Variants in GOLGA4 observed in about 807,000 individuals in gnomAD.
The protein encoded by GOLGA4 is golgin subfamily A member 4.
Under a neutral mutation model 265.9 loss-of-function variants are expected in GOLGA4, and 169 were observed. The ratio of observed to expected loss-of-function variants is 0.64; its 90% CI spans 0.56 to 0.72. The LOEUF (loss-of-function observed/expected upper bound fraction) is 0.72, where lower values mean the gene tolerates loss of function less well. Among genes scored for constraint, GOLGA4 ranks in the 30% least tolerant of loss-of-function variants. GOLGA4 has a pLI of 0.00. For synonymous variants in GOLGA4, 923 were observed against 855.8 expected (o/e 1.08, Z -1.37); for missense variants, 2,482 against 2,483.4 (o/e 1.00, Z 0.01).
chr3:37,271,637 T>A (rs1489292764), intron 2 of GOLGA4, among the ~76,000 whole-genome samples: 1 of 152,170 alleles, frequency 6.6e-6, no homozygotes, highest in African/African-American at 2.4e-5. Context: ...TGCCTACTTG[T>A]GCAGCTCCCC....
chr3:37,317,340 T>C (rs2096940697), intron 11 of GOLGA4, among the ~76,000 whole-genome samples: 1 of 152,088 alleles, frequency 6.6e-6, no homozygotes, highest in Admixed American at 6.5e-5. Context: ...TGGCTAGTTT[T>C]TGTATTTTTA....
Position 37,299,007 on chromosome 3 carries a change from T to C in GOLGA4, c.989T>C (p.Leu330Pro). 1 of 1,589,978 alleles carries C rather than the reference T, an allele frequency of 6.3e-7. No homozygotes were observed. The highest frequency in any genetic ancestry group is 8.5e-7 in the Non-Finnish European group (1 of 1,173,096). The change falls in exon 8 of 24, where the codon CTA becomes CCA. Residue 330 changes from leucine (L) to proline (P), a missense_variant. This residue lies in a region of GOLGA4 where 1,536 missense variants were observed against 1,483.7 expected (regional missense o/e 1.04). Transcript: ENST00000361924. The stretch of plus-strand genomic sequence containing the variant: ...CAACTGGATGAAAGACTTCAAGAAC[T>C]AGAAAAGATAAAGGTAAAAGAGCAG... ...QEQLDERLQE[L>P]EKIKDLHMAE...
intron 6 of GOLGA4, among the ~76,000 whole-genome samples, chr3:37,295,637 T>G (rs1416978717): frequency 4.6e-5 from 7 of 152,230 alleles, no homozygotes; most frequent in Non-Finnish European, 8.8e-5. Flanking sequence ...TTGATTATTT[T>G]CCCCCACTTT....
intron 2 of GOLGA4, among the ~76,000 whole-genome samples, chr3:37,257,890 T>TATAC (rs1174199870): frequency 2.3e-4 from 27 of 117,138 alleles, no homozygotes; most frequent in African/African-American, 6.1e-4. Flanking sequence ...TTTTCATATA[T>TATAC]ATACATATAT....
At chr3:37,251,930 A>G (rs1374781769) in intron 2 of GOLGA4, among the ~76,000 whole-genome samples, 1 of 152,130 alleles carries the variant, frequency 6.6e-6, no homozygotes, top group Non-Finnish European at 1.5e-5. Flanking sequence ...GATTCTCCCA[A>G]TTATGCTTTA....
At chr3:37,267,736 A>G (rs2096787488) in intron 2 of GOLGA4, among the ~76,000 whole-genome samples, 1 of 152,244 alleles carries the variant, frequency 6.6e-6, no homozygotes. Flanking sequence ...CAATGGAGAA[A>G]TGTGGCAAAC....
Position 37,286,177 on chromosome 3 carries a change from C to T in GOLGA4, c.525+116C>T, listed in dbSNP as rs1431232847. 2.3e-5 allele frequency: 11 copies of T among 488,788 alleles called. No individual in the cohort carries two copies. In the Admixed American group the frequency reaches 2.9e-4, roughly 13 times the overall value. 30.3% of individuals were successfully genotyped at this position (488,788 alleles called of 1,614,324 possible). A position where few individuals can be genotyped will look rare whatever the true frequency, so the allele number is the denominator to read the frequency against. On this transcript the variant is annotated intron_variant, in intron 4 of 23. Coordinates refer to ENST00000361924, the MANE Select transcript of GOLGA4 (RefSeq NM_002078.5). ...TTTTTTTTTTTTTGAGACGGAGTCT[C>T]GCTCTGTCGCCCAGGCTGGACTGCG... is the stretch of plus-strand genomic sequence containing the variant.
chr3:37,340,033 T>G, intron 19 of GOLGA4, 91 bp from the exon 20 acceptor site: 1 of 608,248 alleles, frequency 1.6e-6, no homozygotes, highest in Non-Finnish European at 3.0e-6. Flanking sequence ...GTCTTCAGCA[T>G]TAAAAAACCT....
chr3:37,257,274 GA>G (rs2096751476), intron 2 of GOLGA4, among the ~76,000 whole-genome samples: 1 of 151,970 alleles, frequency 6.6e-6, no homozygotes. Context: ...TGAGTCTAAT[GA>G]TTTTTTTTAA....
At position 37,326,143 on chromosome 3, in the gene GOLGA4, T is replaced by C; in HGVS notation, c.4257T>C (p.Phe1419=). ...TGGATCAGGTGCAAGATTTATCTTT[T>C]AAAGTTGACACTCTGAGTAAAGAGA... ...ELLDQVQDLS[F]KVDTLSKEKI... Residue 1419 remains phenylalanine, a synonymous_variant, in exon 14 of 24, where the codon TTT becomes TTC. Coordinates refer to ENST00000361924, the MANE Select transcript of GOLGA4 (RefSeq NM_002078.5). The C allele has an allele frequency of 6.2e-6, 10 of 1,613,670 alleles. No individual in the cohort carries two copies. Among genetic ancestry groups the C allele is most frequent in the Non-Finnish European group, 8.5e-6 (10 of 1,179,700 alleles).
At chr3:37,307,235 G>A (rs1023841354) in intron 10 of GOLGA4, among the ~76,000 whole-genome samples, 4 of 152,092 alleles carry the variant, frequency 2.6e-5, no homozygotes, top group African/African-American at 9.7e-5. Flanking sequence ...GTCATGTTGT[G>A]TTTGTGCAGG....
Position 37,340,129 on chromosome 3 carries a change from C to T in GOLGA4, c.6402C>T (p.His2134=). 2 of 1,264,776 alleles carry T rather than the reference C, an allele frequency of 1.6e-6. No homozygotes were observed. Among genetic ancestry groups the T allele is most frequent in the Non-Finnish European group, 2.3e-6 (2 of 876,888 alleles). 78.3% of individuals were successfully genotyped at this position (1,264,776 alleles called of 1,614,324 possible). Residue 2134 remains histidine, a synonymous_variant, in exon 20 of 24, where the codon CAC becomes CAT. Transcript: ENST00000361924. ...TGATTATTTGTTATTTTTAGATTCA[C>T]AATTTAGAAGACCGTTTGAAGAAAT... ...LKEQEFREQI[H]NLEDRLKKYE...
intron 3 of GOLGA4, among the ~76,000 whole-genome samples, chr3:37,283,620 G>A (rs1223124004): frequency 6.6e-6 from 1 of 152,116 alleles, no homozygotes; most frequent in Non-Finnish European, 1.5e-5. Context: ...CTGGGCCCAA[G>A]CGATCCTTCA....
chr3:37,362,516 A>G (rs1696381952), intron 23 of GOLGA4, among the ~76,000 whole-genome samples: 1 of 150,936 alleles, frequency 6.6e-6, no homozygotes, highest in South Asian at 2.1e-4. Flanking sequence ...CTGGGATTAC[A>G]GGCGTGAGCC....
chr3:37,330,442 A>G (rs1010351136), intron 16 of GOLGA4, among the ~76,000 whole-genome samples: 4 of 152,188 alleles, frequency 2.6e-5, no homozygotes, highest in African/African-American at 9.6e-5. Context: ...TTTGTGAACT[A>G]TTTCTTTGTC....
chr3:37,365,901 G>T (rs984990426), intron 23 of GOLGA4, among the ~76,000 whole-genome samples, 179 bp from the exon 24 acceptor site: 3 of 151,184 alleles, frequency 2.0e-5, no homozygotes, highest in African/African-American at 7.3e-5. Flanking sequence ...TCAAAGTGCT[G>T]GGATTACAGT....
chr3:37,328,668 A>G lies in GOLGA4; in HGVS notation c.6061+131A>G, dbSNP rs1017142682. 22 of 895,462 alleles carry G rather than the reference A, an allele frequency of 2.5e-5. No homozygotes were observed. The South Asian group carries it at 3.5e-4, about 14-fold the overall frequency. The allele number at this position is 895,462 out of a possible 1,614,324, so 55.5% of individuals were successfully genotyped here. Reference sequence around the variant, plus strand: ...GAAGAAATAATCCTTGCCCAATAACATTCTCTAATGGGAACCTGCCCTGCT... The same window carrying G: ...GAAGAAATAATCCTTGCCCAATAACGTTCTCTAATGGGAACCTGCCCTGCT... On this transcript the variant is annotated intron_variant, in intron 15 of 23. Coordinates refer to ENST00000361924, the MANE Select transcript of GOLGA4 (RefSeq NM_002078.5).
chr3:37,265,874 A>C (rs1181631684), intron 2 of GOLGA4, among the ~76,000 whole-genome samples: 1 of 151,900 alleles, frequency 6.6e-6, no homozygotes, highest in African/African-American at 2.4e-5. Context: ...CCGTCTCTAC[A>C]AAAATTAGCA....
At chr3:37,246,968 A>G (rs181411879) in intron 1 of GOLGA4, among the ~76,000 whole-genome samples, 9 of 152,326 alleles carry the variant, frequency 5.9e-5, no homozygotes, top group Non-Finnish European at 1.3e-4. Context: ...ATAACAGGGA[A>G]AAGAGTCCTT....
Sources: allele counts gnomAD v4.1 joint callset (sites outside exome capture counted in the v4.1 genomes callset), GRCh38; gene constraint gnomAD v4.1.1; regional missense constraint gnomAD v4.1.1; transcripts MANE v1.5; gene names NCBI Gene and HGNC (gene_info 2026-07-23, HGNC 2026-07-21).